ZBTB20: variants seen among roughly 807,000 people sequenced by gnomAD.
The protein encoded by ZBTB20 is zinc finger and BTB domain containing 20, also known as zinc finger and BTB domain-containing protein 20.
ZBTB20 carries 9 observed loss-of-function variants against 56.9 expected under a neutral mutation model. The observed-to-expected ratio is 0.16, with a 90% confidence interval of 0.10 to 0.28. The LOEUF is 0.28. ZBTB20 is among the 10% of genes least tolerant of loss of function. The probability of loss-of-function intolerance (pLI) is 1.00; values close to 1 mark genes in which losing one functional copy is unlikely to be tolerated. For synonymous variants in ZBTB20, 417 were observed against 420.7 expected (o/e 0.99, Z 0.11); for missense variants, 655 against 1,003.0 (o/e 0.65, Z 4.69).
intron 4 of ZBTB20, among the ~76,000 whole-genome samples, chr3:114,835,794 C>T (rs2074091994): frequency 6.6e-6 from 1 of 152,224 alleles, no homozygotes; most frequent in East Asian, 1.9e-4. Flanking sequence ...GCCTAGATGA[C>T]ATTTTTTTTC....
chr3:114,410,901 G>T (rs114792383), intron 7 of ZBTB20, among the ~76,000 whole-genome samples: 11 of 152,188 alleles, frequency 7.2e-5, no homozygotes, highest in Non-Finnish European at 1.6e-4. Flanking sequence ...CTACTCCTGG[G>T]GTGCATAGGG....
chr3:114,482,554 A>T (rs2684299), intron 7 of ZBTB20, among the ~76,000 whole-genome samples: 95,235 of 151,902 alleles, frequency 0.63, 30,662 homozygotes, highest in Non-Finnish European at 0.71. Flanking sequence ...ATCTACACAA[A>T]TTTTTTGTTG....
intron 10 of ZBTB20, among the ~76,000 whole-genome samples, chr3:114,368,494 T>C (rs891279913): frequency 6.6e-6 from 1 of 152,218 alleles, no homozygotes; most frequent in African/African-American, 2.4e-5. Flanking sequence ...TCATTGCTTC[T>C]AAGTTCACTC....
intron 10 of ZBTB20, among the ~76,000 whole-genome samples, chr3:114,377,307 C>G (rs2083761106): frequency 6.6e-6 from 1 of 152,200 alleles, no homozygotes; most frequent in Admixed American, 6.5e-5. Flanking sequence ...AGTAGGCGCA[C>G]TGCAAAGCAA....
chr3:115,133,054 A>G lies in ZBTB20; in HGVS notation c.-703+14165T>C, dbSNP rs568053566. The stretch of plus-strand genomic sequence containing the variant: ...ACTATATAATCTTTAACAGAATTAG[A>G]TATTAAATTATGGAATATTTTGATA... On this transcript the variant is annotated intron_variant, in intron 1 of 11. Transcript: ENST00000675478. 6.6e-5 allele frequency among the ~76,000 whole-genome samples: 10 copies of G among 152,298 alleles called. No homozygotes were observed. In the East Asian group the frequency reaches 1.7e-3, roughly 26 times the overall value.
intron 2 of ZBTB20, among the ~76,000 whole-genome samples, chr3:115,023,437 C>T (rs953394356): frequency 3.0e-4 from 45 of 150,956 alleles, no homozygotes; most frequent in Middle Eastern, 3.4e-3. Flanking sequence ...TCTCAGCTCT[C>T]ATGTCTGTGT....
intron 6 of ZBTB20, among the ~76,000 whole-genome samples, chr3:114,563,502 G>A (rs988573408): frequency 6.6e-6 from 1 of 152,122 alleles, no homozygotes; most frequent in Non-Finnish European, 1.5e-5. Context: ...TGCCATTTCT[G>A]TAGCTTAAAA....
intron 10 of ZBTB20, among the ~76,000 whole-genome samples, chr3:114,363,028 A>G (rs143071294): frequency 6.6e-6 from 1 of 152,194 alleles, no homozygotes; most frequent in Non-Finnish European, 1.5e-5. Flanking sequence ...TATTTAGTGA[A>G]GGTCACTGGA....
At chr3:114,958,981 T>C (rs578221247) in intron 3 of ZBTB20, among the ~76,000 whole-genome samples, 1 of 152,318 alleles carries the variant, frequency 6.6e-6, no homozygotes, top group South Asian at 2.1e-4. Context: ...TAAATTTTCC[T>C]ATTCCTGGAT....
chr3:114,702,152 ACATGGTGGAACCC>A (rs1269414055), intron 5 of ZBTB20, among the ~76,000 whole-genome samples: 1 of 152,146 alleles, frequency 6.6e-6, no homozygotes, highest in East Asian at 1.9e-4. Flanking sequence ...AGCCTAGACA[ACATGGTGGAACCC>A]CATCTCTACA....
At chr3:114,668,477 T>C (rs1016560634) in intron 6 of ZBTB20, among the ~76,000 whole-genome samples, 1 of 152,040 alleles carries the variant, frequency 6.6e-6, no homozygotes, top group Non-Finnish European at 1.5e-5. Flanking sequence ...GTTTGACAAG[T>C]AATCTCCAAT....
chr3:114,871,349 C>T (rs2076003173), intron 4 of ZBTB20, among the ~76,000 whole-genome samples: 1 of 152,134 alleles, frequency 6.6e-6, no homozygotes, highest in South Asian at 2.1e-4. Flanking sequence ...CTAAATACAT[C>T]TTTCAGTATC....
chr3:114,776,036 T>C (rs1286282767), intron 5 of ZBTB20, among the ~76,000 whole-genome samples: 1 of 129,476 alleles, frequency 7.7e-6, no homozygotes. Context: ...TTTTTTCTTT[T>C]TTTTTTTTTT....
intron 1 of ZBTB20, among the ~76,000 whole-genome samples, chr3:115,093,362 C>G (rs547954894): frequency 6.6e-6 from 1 of 152,092 alleles, no homozygotes; most frequent in East Asian, 1.9e-4. Context: ...TATAAGAACA[C>G]AATTATTTTT....
rs564695638 is a variant in ZBTB20, at chr3:114,800,102, C to G, written c.-343+999G>C. Among the ~76,000 whole-genome samples, 4 of 151,860 alleles carry G rather than the reference C, an allele frequency of 2.6e-5. No homozygotes were observed. The South Asian group carries it at 8.3e-4, about 32-fold the overall frequency. ...AGGGTAAGTGTTTTAAGACTCTTAGCGAAAGAACTTGCAATACATTAAACT... is the reference window on the plus strand; with the variant it reads ...AGGGTAAGTGTTTTAAGACTCTTAGGGAAAGAACTTGCAATACATTAAACT... On this transcript the variant is annotated intron_variant, in intron 5 of 11. Transcript: ENST00000675478.
chr3:114,598,425 A>C (rs1382909070), intron 6 of ZBTB20, among the ~76,000 whole-genome samples: 5 of 150,268 alleles, frequency 3.3e-5, no homozygotes, highest in Admixed American at 1.3e-4. Context: ...AATAGACTTA[A>C]ATGTGCTATA....
At chr3:115,143,789 GA>G (rs1408989835) in intron 1 of ZBTB20, among the ~76,000 whole-genome samples, 1 of 152,116 alleles carries the variant, frequency 6.6e-6, no homozygotes, top group Non-Finnish European at 1.5e-5. Flanking sequence ...AAAGTTTCAT[GA>G]CAATAACAAA....
At chr3:115,013,631 C>T (rs754667132) in intron 2 of ZBTB20, among the ~76,000 whole-genome samples, 1 of 151,784 alleles carries the variant, frequency 6.6e-6, no homozygotes, top group East Asian at 2.0e-4. Context: ...TACTCAAATA[C>T]TCTGAAAAAC....
At chr3:114,809,787 T>C (rs757793380) in intron 4 of ZBTB20, among the ~76,000 whole-genome samples, 78 of 152,304 alleles carry the variant, frequency 5.1e-4, no homozygotes, top group Non-Finnish European at 9.0e-4. Context: ...TCTTGAAAAT[T>C]GACATTTTAT....
Sources: gnomAD v4.1 joint callset for allele counts (sites outside exome capture counted in the v4.1 genomes callset) on GRCh38, gnomAD v4.1.1 for gene constraint, MANE v1.5 for transcripts, NCBI Gene and HGNC (gene_info 2026-07-23, HGNC 2026-07-21) for gene names.